Variants in ARFGAP3 observed in about 807,000 individuals in gnomAD.
ARFGAP3 encodes ADP-ribosylation factor GTPase-activating protein 3.
Under a neutral mutation model 75.0 loss-of-function variants are expected in ARFGAP3, and 72 were observed. The observed-to-expected ratio is 0.96, with a 90% confidence interval of 0.79 to 1.17. The LOEUF (loss-of-function observed/expected upper bound fraction) is 1.17, where lower values mean the gene tolerates loss of function less well. ARFGAP3 is among the 50% of genes most tolerant of loss of function. ARFGAP3 has a pLI of 0.00. For synonymous variants in ARFGAP3, 221 were observed against 217.9 expected, an observed-to-expected ratio of 1.01 and a Z score of -0.13; for missense variants, 620 against 626.6, an observed-to-expected ratio of 0.99 and a Z score of 0.11.
At chr22:42,831,377 G>A (rs1926279918) in intron 6 of ARFGAP3, among the ~76,000 whole-genome samples, 172 bp downstream of exon 6, 1 of 145,186 alleles carries the variant, frequency 6.9e-6, no homozygotes, top group Non-Finnish European at 1.5e-5. Flanking sequence ...GGACTATGTT[G>A]CCCACGCTGG....
Position 42,835,372 on chromosome 22 carries a change from T to C in ARFGAP3, c.383A>G (p.His128Arg), listed in dbSNP as rs1361430148. 5.0e-6 allele frequency: 8 copies of C among 1,613,896 alleles called. No individual in the cohort carries two copies. The highest frequency in any genetic ancestry group is 1.1e-5 in the South Asian group (1 of 91,086). The change falls in exon 4 of 16, where the codon CAT (histidine) becomes CGT (arginine). Residue 128 changes from histidine to arginine, a missense_variant. By Grantham distance (29) the His-to-Arg change is conservative. Transcript: ENST00000263245. ...KSLASQATRK[H>R]GTDLWLDSCV... is the part of the protein sequence containing the mutation. ...CCTCCAGTGACTTACATCAGTGCCA[T>C]GCTTCCGTGTTGCTTGAGAGGCGAG...
intron 7 of ARFGAP3, among the ~76,000 whole-genome samples, chr22:42,824,455 C>T (rs1025223445): frequency 4.6e-5 from 7 of 151,768 alleles, no homozygotes; most frequent in African/African-American, 1.7e-4. Context: ...CTCCTGTATT[C>T]AAGTGATCCT....
intron 2 of ARFGAP3, among the ~76,000 whole-genome samples, chr22:42,841,663 T>C (rs1397715887): frequency 1.3e-5 from 2 of 152,168 alleles, no homozygotes; most frequent in African/African-American, 2.4e-5. Context: ...AGAATCTTTA[T>C]ACTGAATCCA....
intron 6 of ARFGAP3, 38 bp downstream of exon 6, chr22:42,831,511 C>T: frequency 6.3e-7 from 1 of 1,594,716 alleles, no homozygotes; most frequent in Non-Finnish European, 8.6e-7. Flanking sequence ...GCCACTGAAC[C>T]ATAGAATAGT....
chr22:42,817,625 C>CA (rs28362469), intron 10 of ARFGAP3, 104 bp downstream of exon 10: 320,770 of 883,498 alleles, frequency 0.36, 52,285 homozygotes, highest in Middle Eastern at 0.44. Flanking sequence ...TAATGAATAA[C>CA]AAAAAAAAAT....
At chr22:42,835,856 G>C (rs563934096) in intron 3 of ARFGAP3, among the ~76,000 whole-genome samples, 1 of 152,022 alleles carries the variant, frequency 6.6e-6, no homozygotes, top group African/African-American at 2.4e-5. Flanking sequence ...TATGAGACTT[G>C]CATTACAAAA....
intron 7 of ARFGAP3, chr22:42,823,934 TA>T: frequency 1.0e-5 from 2 of 192,544 alleles, no homozygotes; most frequent in Non-Finnish European, 1.8e-5. Context: ...AGAGAAAATG[TA>T]TTTTTTTTTT....
intron 3 of ARFGAP3, among the ~76,000 whole-genome samples, chr22:42,835,980 CT>C (rs545758118): frequency 0.015 from 1,571 of 105,622 alleles, 27 homozygotes; most frequent in African/African-American, 0.052. Flanking sequence ...CCATTTCTTT[CT>C]TTTTTTTTTT....
intron 2 of ARFGAP3, chr22:42,847,175 T>TC (rs1927058487): frequency 5.5e-6 from 1 of 183,176 alleles, no homozygotes; most frequent in East Asian, 1.6e-4. Flanking sequence ...CTTTCTTTTT[T>TC]TTTTTTTTAA....
intron 8 of ARFGAP3, among the ~76,000 whole-genome samples, chr22:42,822,847 T>C (rs1049999348): frequency 6.6e-6 from 1 of 152,170 alleles, no homozygotes; most frequent in Non-Finnish European, 1.5e-5. Context: ...TCTCATGCTG[T>C]TGACCAAGCT....
At chr22:42,852,900 G>A (rs5758986) in intron 1 of ARFGAP3, among the ~76,000 whole-genome samples, 40,388 of 151,924 alleles carry the variant, frequency 0.27, 5,969 homozygotes, top group Non-Finnish European at 0.33. Flanking sequence ...GAACAGCTGA[G>A]ATTACAGGCA....
Position 42,817,838 on chromosome 22 carries a change from C to T in ARFGAP3, c.832G>A (p.Ala278Thr). 3 of 1,609,064 alleles carry T rather than the reference C, an allele frequency of 1.9e-6. No individual in the cohort carries two copies. Among genetic ancestry groups the T allele is most frequent in the Non-Finnish European group, 2.5e-6 (3 of 1,177,884 alleles). The change falls in exon 10 of 16, where the codon GCC becomes ACC. Residue 278 changes from alanine to threonine, a missense_variant. Coordinates refer to ENST00000263245, the MANE Select transcript of ARFGAP3 (RefSeq NM_014570.5). ...EESIVSSLRL[A>T]YKDLEIQMKK... ...ATTTGAATTTCAAGATCCTTATAGG[C>T]TAATCGTAATGATGAAACACTGCCA...
rs1569138496 is a variant in ARFGAP3, at chr22:42,808,825, A to G, written c.1262T>C (p.Phe421Ser). ...TGATGAAATGGCCTTGACATTGCCA[A>G]ACTTCTTCTGGGCCTCATCTGTATT... is the stretch of plus-strand genomic sequence containing the variant. ...VENTDEAQKK[F>S]GNVKAISSDM... Residue 421 changes from phenylalanine to serine, a missense_variant, in exon 13 of 16, where the codon TTT (phenylalanine) becomes TCT (serine). Physicochemically the swap from Phe to Ser is radical, Grantham distance 155. Coordinates refer to ENST00000263245, the MANE Select transcript of ARFGAP3 (RefSeq NM_014570.5). The G allele has an allele frequency of 1.9e-6, 3 of 1,613,836 alleles. No homozygotes were observed. The highest frequency in any genetic ancestry group is 2.5e-6 in the Non-Finnish European group (3 of 1,179,838).
rs750156232 is a variant in ARFGAP3, at chr22:42,797,558, C to T, written c.*30G>A. The T allele has an allele frequency of 6.2e-7, 1 of 1,614,000 alleles. No homozygotes were observed. The highest frequency in any genetic ancestry group is 8.5e-7 in the Non-Finnish European group (1 of 1,179,944). ...TACTTGTTCATTTAAAGAGGAATTT[C>T]TCCAGGAAATACACATCATGACTTC... On this transcript the variant is annotated 3_prime_UTR_variant, in exon 16 of 16. Coordinates refer to ENST00000263245, the MANE Select transcript of ARFGAP3 (RefSeq NM_014570.5).
rs529387565 is a variant in ARFGAP3, at chr22:42,828,677, C to T, written c.566-1678G>A. ...GGCTAACCCTCAATCTCAAAGCCCC[C>T]GGCCTTTTTTTTTTTTTTTTTTTTC... On this transcript the variant is annotated intron_variant, in intron 6 of 15. Transcript: ENST00000263245. Among the ~76,000 whole-genome samples, 63 of 145,182 alleles carry T rather than the reference C, an allele frequency of 4.3e-4. 1 individual carries two copies. The highest frequency in any genetic ancestry group is 3.5e-3 in the South Asian group (16 of 4,546).
intron 3 of ARFGAP3, among the ~76,000 whole-genome samples, chr22:42,837,141 A>T (rs867403936): frequency 6.6e-6 from 1 of 152,202 alleles, no homozygotes; most frequent in Non-Finnish European, 1.5e-5. Context: ...GTTTGTGAAC[A>T]TCATGATAAT....
In ARFGAP3 at chr22:42,822,216, G is replaced by C. The variant is rs112202861; in HGVS notation, c.812+54C>G. On this transcript the variant is annotated intron_variant, in intron 9 of 15. Coordinates refer to ENST00000263245, the MANE Select transcript of ARFGAP3 (RefSeq NM_014570.5). ...CATGGCATTTGGAAAGCAAAATCTT[G>C]AGTTAATAGTTTTATTCCCTGAAAA... The C allele has an allele frequency of 3.6e-6, 5 of 1,389,614 alleles. No homozygotes were observed. In the African/African-American group the frequency reaches 7.2e-5, roughly 20 times the overall value. The allele number at this position is 1,389,614 out of a possible 1,614,324, so 86.1% of individuals were successfully genotyped here.
At position 42,822,311 on chromosome 22, in the gene ARFGAP3, CTCCT is replaced by C; in HGVS notation, c.767_770del (p.Lys256SerfsTer21). ...ATACCACCTTGGCCAGGTCTTCCTG[CTCCT>C]TCATTTTATCCGCAGCTTGAGCTTG... On this transcript the variant is annotated frameshift_variant, in exon 9 of 16. Coordinates refer to ENST00000263245, the MANE Select transcript of ARFGAP3 (RefSeq NM_014570.5). LOFTEE classifies it high-confidence loss of function. The C allele has an allele frequency of 6.2e-7, 1 of 1,614,092 alleles. No homozygotes were observed. The highest frequency in any genetic ancestry group is 8.5e-7 in the Non-Finnish European group (1 of 1,180,020).
intron 13 of ARFGAP3, among the ~76,000 whole-genome samples, chr22:42,808,131 C>A (rs1925206830): frequency 6.6e-6 from 1 of 152,020 alleles, no homozygotes; most frequent in Non-Finnish European, 1.5e-5. Flanking sequence ...GGCGTGGTGG[C>A]TCACGCCTGT....
Sources: allele counts gnomAD v4.1 joint callset (sites outside exome capture counted in the v4.1 genomes callset), GRCh38; gene constraint gnomAD v4.1.1; transcripts MANE v1.5; gene names NCBI Gene and HGNC (gene_info 2026-07-23, HGNC 2026-07-21).